Variants in AGFG1 observed in about 807,000 individuals in gnomAD.
AGFG1 encodes the protein arf-GAP domain and FG repeat-containing protein 1.
A neutral mutation model predicts 60.6 loss-of-function variants in AGFG1; 10 were observed. That is an observed-to-expected ratio of 0.16 (90% confidence interval 0.10 to 0.28). The LOEUF (loss-of-function observed/expected upper bound fraction) is 0.28. Ranked by LOEUF, AGFG1 falls within the 10% of genes least tolerant of loss-of-function variation. The pLI, the probability that AGFG1 is intolerant of heterozygous loss-of-function variation, is 1.00. For synonymous variants in AGFG1, 247 were observed against 242.9 expected, an observed-to-expected ratio of 1.02 and a Z score of -0.16; for missense variants, 537 against 676.5, an observed-to-expected ratio of 0.79 and a Z score of 2.29.
At chr2:227,524,060 A>G (rs1456365890) in intron 4 of AGFG1, 135 bp downstream of exon 4, 1 of 931,040 alleles carries the variant, frequency 1.1e-6, no homozygotes, top group Non-Finnish European at 1.6e-6. Context: ...GTTATACATT[A>G]AGAAATTGTT....
chr2:227,517,487 G>A (rs1405286401), intron 2 of AGFG1, among the ~76,000 whole-genome samples: 1 of 152,162 alleles, frequency 6.6e-6, no homozygotes, highest in Non-Finnish European at 1.5e-5. Flanking sequence ...GGCCATGATG[G>A]TCTCGATCTC....
rs551169369 is a variant in AGFG1 at position 227,495,550 on chromosome 2, A to G, written c.261+3910A>G. Among the ~76,000 whole-genome samples the G allele has an allele frequency of 9.2e-5, 14 of 151,806 alleles. 1 individual carries two copies. In the South Asian group the frequency reaches 2.9e-3, roughly 32 times the overall value. ...GACCAAGCGAGATACTGTCTCAAAA[A>G]AAAAAAAAAAAAAATCTATAGTGAT... On this transcript the variant is annotated intron_variant, in intron 2 of 12. Coordinates refer to ENST00000310078, the MANE Select transcript of AGFG1 (RefSeq NM_004504.5).
intron 2 of AGFG1, among the ~76,000 whole-genome samples, chr2:227,510,288 CT>C (rs1378161543): frequency 3.9e-5 from 6 of 152,028 alleles, no homozygotes; most frequent in African/African-American, 7.2e-5. Flanking sequence ...ATCCACACCC[CT>C]GATTGTACCA....
intron 2 of AGFG1, among the ~76,000 whole-genome samples, chr2:227,517,561 C>T (rs987448848): frequency 2.0e-5 from 3 of 152,168 alleles, no homozygotes; most frequent in Non-Finnish European, 2.9e-5. Flanking sequence ...TGAGCCACCA[C>T]GCCCGACCCA....
intron 10 of AGFG1, among the ~76,000 whole-genome samples, chr2:227,546,496 G>A (rs1692653106): frequency 6.6e-6 from 1 of 152,178 alleles, no homozygotes; most frequent in Non-Finnish European, 1.5e-5. Flanking sequence ...TACACCCACT[G>A]TCCAACCAGT....
chr2:227,472,960 G>A (rs1474394497), intron 1 of AGFG1, among the ~76,000 whole-genome samples: 3 of 151,902 alleles, frequency 2.0e-5, no homozygotes, highest in African/African-American at 7.3e-5. Flanking sequence ...CGGGCTGTGG[G>A]GGGTGGGGGA....
In AGFG1 at chr2:227,483,591, TGC is replaced by T. The variant is rs778943492; in HGVS notation, c.168-7955_168-7954del. ...AAATGGACTCATAACTTTTCTAGAT[TGC>T]CTTTTTTCACTCAACATATTATCTT... On this transcript the variant is annotated intron_variant, in intron 1 of 12. Transcript: ENST00000310078. Among the ~76,000 whole-genome samples the T allele has an allele frequency of 3.1e-4, 47 of 152,308 alleles. No individual in the cohort carries two copies. In the East Asian group the frequency reaches 7.5e-3, roughly 24 times the overall value.
At chr2:227,539,929 G>A (rs1575110050) in intron 10 of AGFG1, among the ~76,000 whole-genome samples, 3 of 152,060 alleles carry the variant, frequency 2.0e-5, no homozygotes, top group South Asian at 4.2e-4. Context: ...TCTACCTCCC[G>A]GATTCAAGCG....
intron 1 of AGFG1, among the ~76,000 whole-genome samples, chr2:227,486,160 A>G (rs1283966103): frequency 6.6e-6 from 1 of 152,154 alleles, no homozygotes; most frequent in Non-Finnish European, 1.5e-5. Flanking sequence ...CGCCTTGGCT[A>G]TTGTTGGCAC....
At position 227,557,546 on chromosome 2, in the gene AGFG1, G is replaced by C. The variant is rs956544737; in HGVS notation, c.*3051G>C. 1.3e-5 allele frequency: 2 copies of C among 152,014 alleles called. No individual in the cohort carries two copies. Among genetic ancestry groups the C allele is most frequent in the Non-Finnish European group, 2.9e-5 (2 of 68,022 alleles). 9.4% of individuals were successfully genotyped at this position (152,014 alleles called of 1,614,324 possible). A position where few individuals can be genotyped will look rare whatever the true frequency, so the allele number is the denominator to read the frequency against. On this transcript the variant is annotated 3_prime_UTR_variant, in exon 13 of 13. Coordinates refer to ENST00000310078, the MANE Select transcript of AGFG1 (RefSeq NM_004504.5). ...CTTTGTTGATGTAGCTTGTATCTCT[G>C]AGAATTTATTGTATTAAAATTAATA...
intron 6 of AGFG1, among the ~76,000 whole-genome samples, chr2:227,533,101 C>T (rs1692210894): frequency 6.6e-6 from 1 of 152,186 alleles, no homozygotes; most frequent in South Asian, 2.1e-4. Flanking sequence ...ACACATTTTA[C>T]ACATTGTTAA....
At chr2:227,475,998 T>C (rs59992615) in intron 1 of AGFG1, among the ~76,000 whole-genome samples, 2,635 of 152,346 alleles carry the variant, frequency 0.017, 80 homozygotes, top group African/African-American at 0.06. Context: ...CTAATACCTT[T>C]TTTTAAAATA....
chr2:227,520,658 C>G (rs529651165), intron 3 of AGFG1, among the ~76,000 whole-genome samples: 1 of 152,142 alleles, frequency 6.6e-6, no homozygotes, highest in East Asian at 1.9e-4. Context: ...TAGTAAGCCC[C>G]TTGCTATGGA....
intron 3 of AGFG1, among the ~76,000 whole-genome samples, chr2:227,520,778 ATTTC>A (rs750228105): frequency 2.0e-5 from 3 of 152,162 alleles, no homozygotes; most frequent in Non-Finnish European, 4.4e-5. Context: ...ACTTTTGGTT[ATTTC>A]TTTAATAGTA....
intron 4 of AGFG1, among the ~76,000 whole-genome samples, chr2:227,524,254 G>A (rs941702681): frequency 1.3e-5 from 2 of 151,892 alleles, no homozygotes; most frequent in African/African-American, 4.8e-5. Flanking sequence ...TGAATCTATG[G>A]TGACCATCAG....
chr2:227,543,483 C>T (rs1692552643), intron 10 of AGFG1, among the ~76,000 whole-genome samples: 1 of 152,114 alleles, frequency 6.6e-6, no homozygotes, highest in Non-Finnish European at 1.5e-5. Context: ...GTTTCTTAAT[C>T]CTGAGTTCTA....
intron 1 of AGFG1, among the ~76,000 whole-genome samples, chr2:227,473,583 G>C (rs896887691): frequency 6.6e-6 from 1 of 152,102 alleles, no homozygotes; most frequent in African/African-American, 2.4e-5. Flanking sequence ...TTTTATTGCC[G>C]TGCAATTTCA....
chr2:227,530,054 T>C (rs933532924), intron 5 of AGFG1, among the ~76,000 whole-genome samples: 2 of 152,158 alleles, frequency 1.3e-5, no homozygotes, highest in Non-Finnish European at 2.9e-5. Context: ...TGATCTATCT[T>C]CCTGTCTCAT....
At chr2:227,481,465 G>A (rs565866043) in intron 1 of AGFG1, among the ~76,000 whole-genome samples, 1 of 152,244 alleles carries the variant, frequency 6.6e-6, no homozygotes, top group East Asian at 1.9e-4. Context: ...CCTGTATCCA[G>A]TTCCTTCAGT....
Sources: allele counts gnomAD v4.1 joint callset (sites outside exome capture counted in the v4.1 genomes callset), GRCh38; gene constraint gnomAD v4.1.1; transcripts MANE v1.5; gene names NCBI Gene and HGNC (gene_info 2026-07-23, HGNC 2026-07-21).